Variants in INSR observed in about 807,000 individuals in gnomAD.
INSR encodes the protein IR.
A neutral mutation model predicts 142.6 loss-of-function variants in INSR; 67 were observed. The ratio of observed to expected loss-of-function variants is 0.47; its 90% CI spans 0.39 to 0.58. The LOEUF (loss-of-function observed/expected upper bound fraction) is 0.58. Ranked by LOEUF, INSR falls within the 20% of genes least tolerant of loss-of-function variation. INSR has a pLI of 0.00. For missense variants in INSR, 1,248 were observed against 1,833.2 expected, an observed-to-expected ratio of 0.68 and a Z score of 5.83; for synonymous variants, 756 against 743.1, an observed-to-expected ratio of 1.02 and a Z score of -0.28.
Position 7,117,342 on chromosome 19 carries a change from T to C in INSR, c.3863A>G (p.Asn1288Ser), listed in dbSNP as rs756542405. The C allele has an allele frequency of 6.8e-6, 11 of 1,613,974 alleles. No homozygotes were observed. Among genetic ancestry groups the C allele is most frequent in the African/African-American group, 1.3e-5 (1 of 74,894 alleles). The change falls in exon 22 of 22, where the codon AAC becomes AGC. Residue 1288 changes from asparagine (N) to serine (S), a missense_variant. Physicochemically the swap from Asn to Ser is conservative, Grantham distance 46 (BLOSUM62 1). Around this residue, in one of 3 missense-constraint regions of INSR, gnomAD observed 122 missense variants for 129.8 expected, o/e 0.94. Coordinates refer to ENST00000302850, the MANE Select transcript of INSR (RefSeq NM_000208.4). ...KMRPTFLEIV[N>S]LLKDDLHPSF... ...GGGGTGCAGGTCGTCCTTGAGCAGG[T>C]TGACAATCTCCAGGAAGGTTGGCCT... is the stretch of plus-strand genomic sequence containing the variant.
intron 2 of INSR, among the ~76,000 whole-genome samples, chr19:7,187,736 C>A (rs1974467597): frequency 1.3e-5 from 2 of 151,656 alleles, no homozygotes; most frequent in African/African-American, 2.4e-5. Context: ...CCACGCCCAG[C>A]TAAGTGTTTA....
At chr19:7,283,451 G>T (rs527342481) in intron 1 of INSR, among the ~76,000 whole-genome samples, 2 of 152,100 alleles carry the variant, frequency 1.3e-5, no homozygotes, top group Admixed American at 6.6e-5. Context: ...GTTTGGTTTG[G>T]TTTTTTTAGA....
Position 7,293,808 on chromosome 19 carries a change from G to A in INSR, c.84C>T (p.His28=). The change falls in exon 1 of 22, where the codon CAC becomes CAT. Residue 28 remains histidine, a synonymous_variant. Transcript: ENST00000302850. ...VAALLLGAAG[H]LYPGEVCPGM... is the part of the protein sequence containing the mutation. ...CAGACTCACCCTCTCCGGGGTACAG[G>A]TGGCCCGCGGCGCCCAGTAGCAGCG... 1.5e-6 allele frequency: 2 copies of A among 1,356,068 alleles called. No homozygotes were observed. Among genetic ancestry groups the A allele is most frequent in the Non-Finnish European group, 1.9e-6 (2 of 1,049,778 alleles). The allele number at this position is 1,356,068 out of a possible 1,614,324, so 84.0% of individuals were successfully genotyped here.
At chr19:7,244,416 C>T (rs780282028) in intron 2 of INSR, among the ~76,000 whole-genome samples, 3 of 151,814 alleles carry the variant, frequency 2.0e-5, no homozygotes, top group Non-Finnish European at 4.4e-5. Context: ...GCCTATAATC[C>T]CAGCTACTCA....
intron 13 of INSR, among the ~76,000 whole-genome samples, chr19:7,137,723 G>A (rs1289287879): frequency 7.2e-6 from 1 of 138,634 alleles, no homozygotes; most frequent in African/African-American, 2.7e-5. Context: ...GGAGGCAGAG[G>A]TTGCAGTGAG....
intron 3 of INSR, among the ~76,000 whole-genome samples, chr19:7,175,567 G>T (rs1974117070): frequency 6.6e-6 from 1 of 152,160 alleles, no homozygotes; most frequent in African/African-American, 2.4e-5. Flanking sequence ...AGGCAAAGTG[G>T]CTCACGCCTG....
chr19:7,276,791 C>A (rs1044883783), intron 1 of INSR, among the ~76,000 whole-genome samples: 1 of 152,034 alleles, frequency 6.6e-6, no homozygotes, highest in Admixed American at 6.6e-5. Flanking sequence ...AGTGCAGTAG[C>A]GTGATCTCGA....
chr19:7,255,773 T>A (rs893183897), intron 2 of INSR, among the ~76,000 whole-genome samples: 3 of 151,754 alleles, frequency 2.0e-5, no homozygotes, highest in Non-Finnish European at 2.9e-5. Flanking sequence ...AGAGATGGGG[T>A]CTTGCTATGT....
intron 1 of INSR, among the ~76,000 whole-genome samples, chr19:7,287,062 C>T (rs924490549): frequency 2.6e-5 from 4 of 151,686 alleles, no homozygotes; most frequent in African/African-American, 4.8e-5. Context: ...GTTGTCCAGG[C>T]TGATCTGAAA....
rs558553921 is a variant in INSR, at chr19:7,280,335, T to C, written c.101-12439A>G. 4.6e-5 allele frequency among the ~76,000 whole-genome samples: 7 copies of C among 152,162 alleles called. No homozygotes were observed. In the East Asian group the frequency reaches 1.2e-3, roughly 25 times the overall value. Reference sequence around the variant, plus strand: ...TGCTCACGCCTGTAATTCCAGCACTTTGGGAGGCCAAGGCAGGTGGATCAC... The same window carrying C: ...TGCTCACGCCTGTAATTCCAGCACTCTGGGAGGCCAAGGCAGGTGGATCAC... On this transcript the variant is annotated intron_variant, in intron 1 of 21. Transcript: ENST00000302850.
intron 1 of INSR, among the ~76,000 whole-genome samples, chr19:7,275,645 G>A (rs1286815013): frequency 6.6e-6 from 1 of 151,946 alleles, no homozygotes; most frequent in East Asian, 2.0e-4. Flanking sequence ...TAGCGGGGTC[G>A]GGGGAGTGGC....
chr19:7,164,133 A>G (rs1218381412), intron 8 of INSR, among the ~76,000 whole-genome samples: 2 of 147,524 alleles, frequency 1.4e-5, no homozygotes, highest in South Asian at 2.1e-4. Flanking sequence ...ATTTGAGCCT[A>G]CAGGACGGGG....
chr19:7,197,548 A>AGTGTGT (rs1974795117), intron 2 of INSR, among the ~76,000 whole-genome samples: 1 of 51,192 alleles, frequency 2.0e-5, no homozygotes, highest in Admixed American at 2.0e-4. Flanking sequence ...TGTGTGTGTC[A>AGTGTGT]GGTTCCAGAG....
intron 2 of INSR, among the ~76,000 whole-genome samples, chr19:7,200,859 CAA>C (rs59770137): frequency 3.4e-4 from 26 of 76,298 alleles, no homozygotes; most frequent in African/African-American, 7.4e-4. Context: ...GACCTTATCT[CAA>C]AAAAAAAAAA....
chr19:7,257,721 GGGAA>G lies in INSR; in HGVS notation c.652+9620_652+9623del, dbSNP rs988228442. On this transcript the variant is annotated intron_variant, in intron 2 of 21. Transcript: ENST00000302850. ...GAAAAGGAAAGAAAGGAAGGAAAGAGGGAAGGAAGGAAGGAAGTACCAGCAAAGG... is the reference window on the plus strand; with the variant it reads ...GAAAAGGAAAGAAAGGAAGGAAAGAGGGAAGGAAGGAAGTACCAGCAAAGG... Among the ~76,000 whole-genome samples the G allele has an allele frequency of 6.6e-5, 10 of 151,896 alleles. No homozygotes were observed. In the South Asian group the frequency reaches 1.9e-3, roughly 28 times the overall value.
At chr19:7,291,987 GT>G (rs1225649369) in intron 1 of INSR, among the ~76,000 whole-genome samples, 1 of 151,664 alleles carries the variant, frequency 6.6e-6, no homozygotes, top group Non-Finnish European at 1.5e-5. Flanking sequence ...TAGAGACAGG[GT>G]TTTACCGTGT....
chr19:7,133,493 G>A (rs557829735), intron 13 of INSR, among the ~76,000 whole-genome samples: 1 of 152,294 alleles, frequency 6.6e-6, no homozygotes, highest in East Asian at 1.9e-4. Context: ...TGGATTCCTA[G>A]AACGTATTCC....
intron 3 of INSR, among the ~76,000 whole-genome samples, chr19:7,180,664 A>G (rs1367622541): frequency 1.3e-5 from 2 of 152,114 alleles, no homozygotes; most frequent in African/African-American, 2.4e-5. Flanking sequence ...TTAAGCTGCC[A>G]TCTAGATGAC....
At chr19:7,135,595 AT>A (rs1440886517) in intron 13 of INSR, among the ~76,000 whole-genome samples, 7 of 144,906 alleles carry the variant, frequency 4.8e-5, no homozygotes, top group East Asian at 2.3e-4. Context: ...GAAAAAAAAA[AT>A]TTTTTTAACG....
Sources: gnomAD v4.1 joint callset for allele counts (sites outside exome capture counted in the v4.1 genomes callset) on GRCh38, gnomAD v4.1.1 for gene constraint, gnomAD v4.1.1 regional missense constraint, MANE v1.5 for transcripts, NCBI Gene and HGNC (gene_info 2026-07-23, HGNC 2026-07-21) for gene names.